GPHN: variants seen among roughly 807,000 people sequenced by gnomAD.
The protein encoded by GPHN is gephyrin.
A neutral mutation model predicts 95.5 loss-of-function variants in GPHN; 17 were observed. That is an observed-to-expected ratio of 0.18 (90% confidence interval 0.12 to 0.27). The LOEUF is 0.27. Ranked by LOEUF, GPHN falls within the 10% of genes least tolerant of loss-of-function variation. GPHN has a pLI of 1.00. For synonymous variants in GPHN, 320 were observed against 322.5 expected, an observed-to-expected ratio of 0.99 and a Z score of 0.08; for missense variants, 660 against 978.1, an observed-to-expected ratio of 0.67 and a Z score of 4.34.
At chr14:66,760,805 C>A in intron 2 of GPHN, 1 of 515,494 alleles carries the variant, frequency 1.9e-6, no homozygotes. Context: ...AGTATTGATG[C>A]AATGAAGAGA....
intron 4 of GPHN, among the ~76,000 whole-genome samples, chr14:66,838,277 TA>T (rs1345388441): frequency 6.6e-6 from 1 of 152,126 alleles, no homozygotes; most frequent in Non-Finnish European, 1.5e-5. Flanking sequence ...CCTTGCTATA[TA>T]AATCTTTGCT....
intron 10 of GPHN, among the ~76,000 whole-genome samples, chr14:67,035,254 A>G (rs989311991): frequency 6.6e-6 from 1 of 151,992 alleles, no homozygotes; most frequent in African/African-American, 2.4e-5. Context: ...CAATACTAAG[A>G]GAGAAGTTTA....
At chr14:67,183,036 T>C (rs1201836508), downstream of GPHN, among the ~76,000 whole-genome samples, 1 of 151,874 alleles carries the variant, frequency 6.6e-6, no homozygotes, top group East Asian at 1.9e-4. Flanking sequence ...TGAAGGAAGG[T>C]AGAATTTTGA....
chr14:66,967,994 A>G (rs959408538), intron 9 of GPHN, among the ~76,000 whole-genome samples: 22 of 152,010 alleles, frequency 1.4e-4, no homozygotes, highest in Admixed American at 9.8e-4. Context: ...TAGTATGTGA[A>G]TAGTCTAATT....
the GPHN span, chr14:67,651,812 G>A: frequency 0.017 from 4,440 of 254,680 alleles, 213 homozygotes; most frequent in African/African-American, 0.095. Flanking sequence ...ATCCAGCTCA[G>A]GATGGGTCCT....
chr14:67,584,106 T>C, the GPHN span: 2 of 1,613,736 alleles, frequency 1.2e-6, no homozygotes, highest in Non-Finnish European at 1.7e-6. Flanking sequence ...TCTTTGGTGC[T>C]AAACTTTTTG....
chr14:66,682,581 C>T (rs1283473679), intron 2 of GPHN, among the ~76,000 whole-genome samples: 2 of 151,974 alleles, frequency 1.3e-5, no homozygotes, highest in Non-Finnish European at 2.9e-5. Context: ...GAAACCCCGT[C>T]CCTACAAAAA....
At chr14:67,442,113 T>C in the GPHN span, among the ~76,000 whole-genome samples, 1 of 152,158 alleles carries the variant, frequency 6.6e-6, no homozygotes, top group Non-Finnish European at 1.5e-5. Flanking sequence ...AATTTGTCTT[T>C]ATGCCAATGT....
At chr14:66,664,021 A>G (rs973897555) in intron 1 of GPHN, among the ~76,000 whole-genome samples, 1 of 152,208 alleles carries the variant, frequency 6.6e-6, no homozygotes, top group Non-Finnish European at 1.5e-5. Flanking sequence ...AGACTCCCAC[A>G]CAATAATAGT....
At chr14:67,071,170 A>T (rs2076291012) in intron 11 of GPHN, among the ~76,000 whole-genome samples, 1 of 152,212 alleles carries the variant, frequency 6.6e-6, no homozygotes, top group Non-Finnish European at 1.5e-5. Flanking sequence ...GCTGCTATAA[A>T]GACTCATGCA....
the GPHN span, chr14:67,726,300 A>G: frequency 2.8e-6 from 2 of 703,574 alleles, no homozygotes; most frequent in African/African-American, 3.5e-5. Context: ...CTTGTTGTTC[A>G]CTGTACCTCT....
At chr14:67,126,710 T>C (rs2079340203) in intron 17 of GPHN, among the ~76,000 whole-genome samples, 1 of 152,022 alleles carries the variant, frequency 6.6e-6, no homozygotes, top group Non-Finnish European at 1.5e-5. Flanking sequence ...GATCTAGAAC[T>C]AGAAATACCA....
chr14:67,283,762 T>A, the GPHN span, among the ~76,000 whole-genome samples: 9 of 152,200 alleles, frequency 5.9e-5, no homozygotes, highest in Non-Finnish European at 1.2e-4. Context: ...TAATGTAAAT[T>A]TTGTTTATTA....
chr14:66,580,162 C>T (rs2140452962), intron 1 of GPHN, among the ~76,000 whole-genome samples: 1 of 151,858 alleles, frequency 6.6e-6, no homozygotes, highest in Admixed American at 6.6e-5. Context: ...TAAAACAATA[C>T]CTTGACACTA....
intron 12 of GPHN, among the ~76,000 whole-genome samples, chr14:67,093,191 T>A (rs1009714221): frequency 4.6e-5 from 7 of 151,760 alleles, no homozygotes; most frequent in Admixed American, 1.3e-4. Context: ...AATTTAAAAA[T>A]TTTTTTTTCT....
At chr14:67,330,253 T>C in the GPHN span, among the ~76,000 whole-genome samples, 2 of 151,444 alleles carry the variant, frequency 1.3e-5, no homozygotes, top group African/African-American at 4.8e-5. Flanking sequence ...ATTTAATTCA[T>C]TTCTTTTTAT....
At chr14:67,671,192 T>A in the GPHN span, among the ~76,000 whole-genome samples, 2 of 152,224 alleles carry the variant, frequency 1.3e-5, no homozygotes, top group Non-Finnish European at 2.9e-5. Context: ...ATATTTTCTT[T>A]ACTTATCCAT....
At chr14:67,307,685 G>A in the GPHN span, among the ~76,000 whole-genome samples, 1 of 152,056 alleles carries the variant, frequency 6.6e-6, no homozygotes, top group Non-Finnish European at 1.5e-5. Context: ...CTTGCTTGGT[G>A]CTATAAAGGC....
the GPHN span, chr14:67,568,967 C>A: frequency 1.7e-6 from 1 of 586,470 alleles, no homozygotes; most frequent in Non-Finnish European, 3.0e-6. Context: ...CCATTTAGAG[C>A]AGAGGAAAAT....
Sources: allele counts gnomAD v4.1 joint callset (sites outside exome capture counted in the v4.1 genomes callset), GRCh38; gene constraint gnomAD v4.1.1; transcripts MANE v1.5; gene names NCBI Gene and HGNC (gene_info 2026-07-23, HGNC 2026-07-21).